POU1F1: variants seen among roughly 807,000 people sequenced by gnomAD.
POU1F1 encodes the protein POU class 1 homeobox 1.
In POU1F1, 23 loss-of-function variants were observed where a neutral mutation model predicts 32.3. That is an observed-to-expected ratio of 0.71 (90% CI 0.51 to 1.01). POU1F1 has a LOEUF of 1.01. Among genes scored for constraint, POU1F1 ranks in the 50% least tolerant of loss-of-function variants. The probability of loss-of-function intolerance (pLI) is 0.00; values close to 1 mark genes in which losing one functional copy is unlikely to be tolerated. For missense variants in POU1F1, 323 were observed against 341.6 expected (o/e 0.95, Z 0.43); for synonymous variants, 120 against 115.6 (o/e 1.04, Z -0.25).
chr3:87,272,502 A>G (rs1338398659), intron 2 of POU1F1, among the ~76,000 whole-genome samples: 2 of 152,164 alleles, frequency 1.3e-5, no homozygotes, highest in African/African-American at 2.4e-5. Flanking sequence ...GTACTTTTTA[A>G]AAACAATTAA....
chr3:87,266,694 A>T (rs919722305), intron 2 of POU1F1, among the ~76,000 whole-genome samples: 1 of 151,884 alleles, frequency 6.6e-6, no homozygotes, highest in Non-Finnish European at 1.5e-5. Context: ...TTCTTTTATT[A>T]TATAGCTTTT....
Position 87,261,323 on chromosome 3 carries a change from A to C in POU1F1, c.615T>G (p.Asn205Lys), listed in dbSNP as rs777030970. 1 of 1,591,592 alleles carries C rather than the reference A, an allele frequency of 6.3e-7. No homozygotes were observed. Among genetic ancestry groups the C allele is most frequent in the Admixed American group, 1.7e-5 (1 of 59,214 alleles). ...EEAEQVGALY[N>K]EKVGANERKR... ...TCCTTTCATTTGCTCCCACTTTTTC[A>C]TTGTACAAAGCTATAATGTGGAAAA... Residue 205 changes from asparagine (N) to lysine (K), a missense_variant, in exon 5 of 6, where the codon AAT (asparagine) becomes AAG (lysine). Transcript: ENST00000350375.
chr3:87,264,213 A>G, intron 3 of POU1F1, 75 bp downstream of exon 3: 1 of 1,164,994 alleles, frequency 8.6e-7, no homozygotes, highest in Non-Finnish European at 1.3e-6. Context: ...CTTTTTAGCA[A>G]TATATAAGAG....
In POU1F1 at chr3:87,265,025, CTATT is replaced by C. The variant is rs567339420; in HGVS notation, c.215-517_215-514del. Among the ~76,000 whole-genome samples, 298 of 152,152 alleles carry C rather than the reference CTATT, an allele frequency of 2.0e-3. 5 individuals carry two copies. Among genetic ancestry groups the C allele is most frequent in the African/African-American group, 6.6e-3 (276 of 41,538 alleles). On this transcript the variant is annotated intron_variant, in intron 2 of 5. Coordinates refer to ENST00000350375, the MANE Select transcript of POU1F1 (RefSeq NM_000306.4). ...GATTTCACAATATAAAAACGCCCCA[CTATT>C]TAATCAGTAAAAACTTGATTTTATT... is the stretch of plus-strand genomic sequence containing the variant.
Position 87,259,994 on chromosome 3 carries a change from C to CT in POU1F1, c.775dup (p.Arg259LysfsTer27), listed in dbSNP as rs587776799. 6.2e-7 allele frequency: 1 copy of CT among 1,614,120 alleles called. No individual in the cohort carries two copies. Among genetic ancestry groups the CT allele is most frequent in the Non-Finnish European group, 8.5e-7 (1 of 1,180,010 alleles). ...CTGCCTCCGGTTGCAAAACCAAACT[C>CT]TTACTACTTCTTTCTCCAGATTCAG... On this transcript the variant is annotated frameshift_variant, in exon 6 of 6. Coordinates refer to ENST00000350375, the MANE Select transcript of POU1F1 (RefSeq NM_000306.4). LOFTEE classifies it high-confidence loss of function.
At position 87,262,126 on chromosome 3, in the gene POU1F1, T is replaced by C. The variant is rs754703680; in HGVS notation, c.549A>G (p.Ala183=). ...TGGATAATATTGCTTTCAGTTTGCA[T>C]GCATTTTTAAAGCTGAGCTGCAGAT... ...FENLQLSFKN[A]CKLKAILSKW... Residue 183 remains alanine (A), a synonymous_variant, in exon 4 of 6, where the codon GCA becomes GCG. Coordinates refer to ENST00000350375, the MANE Select transcript of POU1F1 (RefSeq NM_000306.4). The C allele has an allele frequency of 2.5e-6, 4 of 1,614,154 alleles. No homozygotes were observed. The highest frequency in any genetic ancestry group is 1.7e-5 in the Admixed American group (1 of 60,016).
At chr3:87,268,351 C>T (rs982422669) in intron 2 of POU1F1, among the ~76,000 whole-genome samples, 2 of 152,092 alleles carry the variant, frequency 1.3e-5, no homozygotes, top group African/African-American at 4.8e-5. Context: ...AGGTGATCTG[C>T]CTGCCTCGGC....
intron 2 of POU1F1, among the ~76,000 whole-genome samples, chr3:87,267,759 C>T (rs1013383475): frequency 7.9e-5 from 12 of 152,116 alleles, no homozygotes; most frequent in Admixed American, 2.0e-4. Context: ...CATGCACCGC[C>T]ATGCTCATCT....
chr3:87,268,114 G>T (rs1227423971), intron 2 of POU1F1, among the ~76,000 whole-genome samples: 1 of 119,270 alleles, frequency 8.4e-6, no homozygotes, highest in Non-Finnish European at 1.6e-5. Flanking sequence ...TTGACACAGC[G>T]TCTCGCTCTT....
At chr3:87,273,280 TTCAGG>T in intron 2 of POU1F1, 62 bp downstream of exon 2, 2 of 1,471,872 alleles carry the variant, frequency 1.4e-6, no homozygotes, top group Non-Finnish European at 1.9e-6. Flanking sequence ...TCACAATTCT[TTCAGG>T]CCCAGAAAAT....
In POU1F1 at chr3:87,262,161, G is replaced by A. The variant is rs104893754; in HGVS notation, c.514C>T (p.Arg172Ter). The A allele has an allele frequency of 4.3e-6, 7 of 1,613,996 alleles. No individual in the cohort carries two copies. Among genetic ancestry groups the A allele is most frequent in the South Asian group, 1.1e-5 (1 of 91,078 alleles). Residue 172 changes from arginine to a stop codon, truncating the protein, a stop_gained, in exon 4 of 6, where the codon CGA becomes TGA. Transcript: ENST00000350375. LOFTEE classifies it high-confidence loss of function. ...GSEFSQTTIC[R>*]FENLQLSFKN... ...AAGCTGAGCTGCAGATTTTCAAATC[G>A]GCAGATTGTTGTTTGACTGAATTCA... is the stretch of plus-strand genomic sequence containing the variant.
intron 2 of POU1F1, among the ~76,000 whole-genome samples, chr3:87,270,768 C>T (rs1261162046): frequency 6.6e-6 from 1 of 151,946 alleles, no homozygotes; most frequent in African/African-American, 2.4e-5. Flanking sequence ...ACATTTGTCT[C>T]TTATTTACCT....
chr3:87,264,956 C>T (rs938635326), intron 2 of POU1F1, among the ~76,000 whole-genome samples: 2 of 152,004 alleles, frequency 1.3e-5, no homozygotes, highest in Admixed American at 6.6e-5. Flanking sequence ...CTAAATGCTT[C>T]GGCTAAGTGC....
chr3:87,275,749 T>G (rs1158744958), intron 1 of POU1F1, among the ~76,000 whole-genome samples: 1 of 152,126 alleles, frequency 6.6e-6, no homozygotes, highest in Non-Finnish European at 1.5e-5. Flanking sequence ...TTTACCTTAG[T>G]TAATGGGCTT....
At chr3:87,270,947 T>C (rs1012594957) in intron 2 of POU1F1, among the ~76,000 whole-genome samples, 1 of 152,060 alleles carries the variant, frequency 6.6e-6, no homozygotes, top group South Asian at 2.1e-4. Flanking sequence ...GCATATCACA[T>C]TTTAACAAAA....
At chr3:87,276,282 T>C (rs1050269111) in intron 1 of POU1F1, 39 bp downstream of exon 1, 1 of 1,601,550 alleles carries the variant, frequency 6.2e-7, no homozygotes, top group Admixed American at 1.7e-5. Context: ...CTGAAATATT[T>C]AGGCCCGGTC....
At chr3:87,264,942 G>A (rs1333804784) in intron 2 of POU1F1, among the ~76,000 whole-genome samples, 1 of 152,066 alleles carries the variant, frequency 6.6e-6, no homozygotes, top group Admixed American at 6.6e-5. Flanking sequence ...TTGTGATCAT[G>A]GCACTAAATG....
intron 5 of POU1F1, among the ~76,000 whole-genome samples, chr3:87,260,765 G>A (rs908946019): frequency 6.6e-6 from 1 of 151,804 alleles, no homozygotes; most frequent in Non-Finnish European, 1.5e-5. Context: ...CAAAATTTTG[G>A]AGTAAAAGTG....
At chr3:87,268,077 C>T (rs1275389259) in intron 2 of POU1F1, among the ~76,000 whole-genome samples, 1 of 144,114 alleles carries the variant, frequency 6.9e-6, no homozygotes, top group African/African-American at 2.5e-5. Flanking sequence ...TATTTTTTTC[C>T]CTTTCCCTTT....
Sources: gnomAD v4.1 joint callset for allele counts (sites outside exome capture counted in the v4.1 genomes callset) on GRCh38, gnomAD v4.1.1 for gene constraint, MANE v1.5 for transcripts, NCBI Gene and HGNC (gene_info 2026-07-23, HGNC 2026-07-21) for gene names.